NRXN1: variants seen among roughly 807,000 people sequenced by gnomAD.
The protein encoded by NRXN1 is neurexin-1.
Under a neutral mutation model 150.9 loss-of-function variants are expected in NRXN1, and 39 were observed. The ratio of observed to expected loss-of-function variants is 0.26; its 90% CI spans 0.20 to 0.34. The LOEUF is 0.34. Among genes scored for constraint, NRXN1 ranks in the 10% least tolerant of loss-of-function variants. The pLI, the probability that NRXN1 is intolerant of heterozygous loss-of-function variation, is 1.00. For missense variants in NRXN1, 1,815 were observed against 1,949.9 expected, an observed-to-expected ratio of 0.93 and a Z score of 1.30; for synonymous variants, 924 against 757.0, an observed-to-expected ratio of 1.22 and a Z score of -3.62.
At chr2:49,932,707 T>C (rs1238111644) in intron 22 of NRXN1, among the ~76,000 whole-genome samples, 1 of 152,202 alleles carries the variant, frequency 6.6e-6, no homozygotes, top group Non-Finnish European at 1.5e-5. Flanking sequence ...TACTATGACT[T>C]CCCTGTAACA....
chr2:50,538,764 C>A (rs1283276763), intron 9 of NRXN1, 128 bp from the exon 10 acceptor site: 1 of 745,430 alleles, frequency 1.3e-6, no homozygotes, highest in East Asian at 3.2e-5. Context: ...TCTTTCTGTC[C>A]TCACTTTTTG....
chr2:50,368,666 A>G (rs992406601), intron 17 of NRXN1, among the ~76,000 whole-genome samples: 4 of 151,978 alleles, frequency 2.6e-5, no homozygotes, highest in East Asian at 1.9e-4. Context: ...AGTAAAGGAG[A>G]TAGAATAGAC....
chr2:50,293,346 A>G (rs990888092), intron 17 of NRXN1, among the ~76,000 whole-genome samples: 2 of 152,068 alleles, frequency 1.3e-5, no homozygotes, highest in Non-Finnish European at 2.9e-5. Context: ...TCATATTCAC[A>G]TACTTCTCTG....
chr2:51,031,350 A>C (rs1671513601), intron 1 of NRXN1, among the ~76,000 whole-genome samples: 1 of 152,170 alleles, frequency 6.6e-6, no homozygotes, highest in Non-Finnish European at 1.5e-5. Context: ...TAGGAGGATC[A>C]ATACAGTACG....
intron 5 of NRXN1, among the ~76,000 whole-genome samples, chr2:50,845,078 A>C (rs1673444751): frequency 6.6e-6 from 1 of 151,298 alleles, no homozygotes; most frequent in Admixed American, 6.6e-5. Flanking sequence ...CTGGTCTTGA[A>C]CTCCTAGGTT....
At chr2:50,312,688 T>A in intron 17 of NRXN1, 1 of 505,662 alleles carries the variant, frequency 2.0e-6, no homozygotes, top group South Asian at 1.4e-5. Flanking sequence ...TTTTGTCACA[T>A]CCTCTCATCT....
chr2:50,802,568 A>AGGAAGGAAGGAAG (rs1707764759), intron 5 of NRXN1, among the ~76,000 whole-genome samples: 1 of 134,794 alleles, frequency 7.4e-6, no homozygotes, highest in African/African-American at 2.7e-5. Flanking sequence ...GAAGGAAGGA[A>AGGAAGGAAGGAAG]GGAGAGAGAC....
intron 17 of NRXN1, among the ~76,000 whole-genome samples, chr2:50,430,150 T>A (rs1205206857): frequency 6.6e-6 from 1 of 152,180 alleles, no homozygotes; most frequent in African/African-American, 2.4e-5. Context: ...TGTCACTCAA[T>A]TGAACTCTAT....
At chr2:50,783,666 T>A (rs2105534987) in intron 5 of NRXN1, among the ~76,000 whole-genome samples, 1 of 152,234 alleles carries the variant, frequency 6.6e-6, no homozygotes, top group African/African-American at 2.4e-5. Context: ...AGAACATTTT[T>A]CTCTCTAGTA....
At chr2:50,809,705 G>A (rs1667961383) in intron 5 of NRXN1, among the ~76,000 whole-genome samples, 1 of 152,062 alleles carries the variant, frequency 6.6e-6, no homozygotes, top group Non-Finnish European at 1.5e-5. Flanking sequence ...GTCAGAGGAG[G>A]GGATGACAGT....
chr2:51,030,535 AACACACACAC>A (rs57434663), intron 1 of NRXN1, among the ~76,000 whole-genome samples: 107 of 145,330 alleles, frequency 7.4e-4, no homozygotes, highest in Middle Eastern at 3.5e-3. Context: ...TCTCTCTTTC[AACACACACAC>A]ACACACACAC....
At chr2:50,487,587 C>T (rs1474357526) in intron 15 of NRXN1, among the ~76,000 whole-genome samples, 1 of 152,200 alleles carries the variant, frequency 6.6e-6, no homozygotes, top group Non-Finnish European at 1.5e-5. Flanking sequence ...GGAGCAGCAA[C>T]TTTGTTTTAA....
intron 5 of NRXN1, among the ~76,000 whole-genome samples, chr2:50,808,482 A>G (rs904054573): frequency 1.3e-4 from 20 of 152,098 alleles, no homozygotes; most frequent in Non-Finnish European, 2.8e-4. Context: ...ATGCAAAAAA[A>G]AAGAGAAACT....
chr2:51,030,590 TAC>T (rs1346800111), intron 1 of NRXN1, among the ~76,000 whole-genome samples: 2 of 150,052 alleles, frequency 1.3e-5, no homozygotes, highest in African/African-American at 4.9e-5. Context: ...TGTGCGCACA[TAC>T]ACACTGCCCA....
intron 18 of NRXN1, among the ~76,000 whole-genome samples, chr2:50,219,991 ATAATATATATTATATAATATAT>A (rs2063749664): frequency 2.7e-5 from 1 of 37,456 alleles, no homozygotes; most frequent in African/African-American, 1.3e-4. Context: ...TATATTATAT[ATAATATATATTATATAATATAT>A]TATATATATA....
intron 17 of NRXN1, among the ~76,000 whole-genome samples, chr2:50,293,714 T>A (rs2073228306): frequency 6.6e-6 from 1 of 152,052 alleles, no homozygotes; most frequent in Non-Finnish European, 1.5e-5. Context: ...CAGTGCACCC[T>A]CAGAAATCAG....
At chr2:50,449,044 T>C (rs1191082145) in intron 17 of NRXN1, among the ~76,000 whole-genome samples, 1 of 152,204 alleles carries the variant, frequency 6.6e-6, no homozygotes, top group Non-Finnish European at 1.5e-5. Context: ...CTGGTTAAAC[T>C]AGATCATCTA....
At chr2:50,163,184 AT>A (rs1228700760) in intron 18 of NRXN1, among the ~76,000 whole-genome samples, 1 of 148,780 alleles carries the variant, frequency 6.7e-6, no homozygotes, top group Admixed American at 6.7e-5. Context: ...ATATATATAT[AT>A]AAAACAATAC....
intron 12 of NRXN1, among the ~76,000 whole-genome samples, chr2:50,513,601 A>G (rs1400264334): frequency 1.3e-5 from 2 of 152,184 alleles, no homozygotes; most frequent in Non-Finnish European, 2.9e-5. Context: ...CTAAATTTGG[A>G]TGCTTTTTGC....
Sources: allele counts gnomAD v4.1 joint callset (sites outside exome capture counted in the v4.1 genomes callset), GRCh38; gene constraint gnomAD v4.1.1; transcripts MANE v1.5; gene names NCBI Gene and HGNC (gene_info 2026-07-23, HGNC 2026-07-21).